PPFIA2: variants seen among roughly 807,000 people sequenced by gnomAD.
PPFIA2 encodes liprin-alpha-2.
Under a neutral mutation model 175.5 loss-of-function variants are expected in PPFIA2, and 46 were observed. That is an observed-to-expected ratio of 0.26 (90% CI 0.21 to 0.34). The LOEUF is 0.34. Ranked by LOEUF, PPFIA2 falls within the 10% of genes least tolerant of loss-of-function variation. The probability of loss-of-function intolerance (pLI) is 1.00; values close to 1 mark genes in which losing one functional copy is unlikely to be tolerated. For synonymous variants in PPFIA2, 568 were observed against 511.4 expected (o/e 1.11, Z -1.49); for missense variants, 1,179 against 1,506.1 (o/e 0.78, Z 3.60).
intron 24 of PPFIA2, chr12:81,292,743 G>T (rs941942084): frequency 6.6e-6 from 1 of 151,356 alleles, no homozygotes; most frequent in Non-Finnish European, 1.5e-5. Flanking sequence ...GACTGTGTGT[G>T]GGGGGTCAGC....
intron 7 of PPFIA2, among the ~76,000 whole-genome samples, chr12:81,413,543 T>A (rs929557888): frequency 6.6e-6 from 1 of 151,754 alleles, no homozygotes; most frequent in Non-Finnish European, 1.5e-5. Context: ...CATAAGCAAC[T>A]GTAAAGGAGG....
At chr12:81,299,467 C>A (rs767996822) in intron 22 of PPFIA2, 85 bp from the exon 23 acceptor site, 4 of 1,466,716 alleles carry the variant, frequency 2.7e-6, no homozygotes, top group Non-Finnish European at 3.6e-6. Flanking sequence ...TTAAAATAAC[C>A]AATCATCCTT....
rs2139175802 is a variant in PPFIA2, at chr12:81,312,493, A to C, written c.2643-13111T>G. 2 of 333,324 alleles carry C rather than the reference A, an allele frequency of 6.0e-6. 1 individual carries two copies. Among genetic ancestry groups the C allele is most frequent in the South Asian group, 2.1e-4 (2 of 9,474 alleles). 20.6% of individuals were successfully genotyped at this position (333,324 alleles called of 1,614,324 possible). A position where few individuals can be genotyped will look rare whatever the true frequency, so the allele number is the denominator to read the frequency against. Reference sequence around the variant, plus strand: ...GGAGGAAATCAAGAAATCTTGGTAAAGGACATTCTTTACCTCAGGCCACTT... The same window carrying C: ...GGAGGAAATCAAGAAATCTTGGTAACGGACATTCTTTACCTCAGGCCACTT... On this transcript the variant is annotated intron_variant, in intron 22 of 32. Coordinates refer to ENST00000549396, the MANE Select transcript of PPFIA2 (RefSeq NM_003625.5).
intron 7 of PPFIA2, among the ~76,000 whole-genome samples, chr12:81,433,992 A>G (rs1264849916): frequency 6.6e-6 from 1 of 152,158 alleles, no homozygotes; most frequent in Non-Finnish European, 1.5e-5. Context: ...ATGAGGAAAT[A>G]TGTTTTCAAT....
chr12:81,715,192 C>A (rs2078438733), intron 3 of PPFIA2, among the ~76,000 whole-genome samples: 1 of 147,240 alleles, frequency 6.8e-6, no homozygotes, highest in African/African-American at 2.4e-5. Context: ...AGAAATAACA[C>A]AATTTGTACA....
rs2051111329 is a variant in PPFIA2, at chr12:81,445,606, G to A, written c.520C>T (p.Leu174Phe). The change falls in exon 6 of 33, where the codon CTC becomes TTC. Residue 174 changes from leucine to phenylalanine, a missense_variant. Leu to Phe is a conservative substitution (Grantham distance 22, BLOSUM62 0). Transcript: ENST00000549396. Reference sequence around the variant, plus strand: ...TCAAACAAAGATTTCAGTGCCTTGAGAACTTCAACTTCACTGGATACTCCT... The same window carrying A: ...TCAAACAAAGATTTCAGTGCCTTGAAAACTTCAACTTCACTGGATACTCCT... The part of the protein sequence containing the change: ...PSGVSSEVEV[L>F]KALKSLFEHH... The A allele has an allele frequency of 1.9e-6, 3 of 1,613,760 alleles. No individual in the cohort carries two copies. The highest frequency in any genetic ancestry group is 2.5e-6 in the Non-Finnish European group (3 of 1,179,788).
chr12:81,621,078 G>T (rs920554095), intron 4 of PPFIA2, among the ~76,000 whole-genome samples: 3 of 152,146 alleles, frequency 2.0e-5, no homozygotes, highest in African/African-American at 7.2e-5. Flanking sequence ...AAATCAGGGA[G>T]AAAATCAGAG....
intron 4 of PPFIA2, among the ~76,000 whole-genome samples, chr12:81,647,862 AATATAAT>A (rs1022118403): frequency 1.1e-3 from 135 of 126,252 alleles, no homozygotes; most frequent in African/African-American, 3.8e-3. Flanking sequence ...TAACATATAT[AATATAAT>A]ATATATTATA....
chr12:81,728,610 T>C (rs2080413623), intron 3 of PPFIA2, among the ~76,000 whole-genome samples: 1 of 151,486 alleles, frequency 6.6e-6, no homozygotes, highest in African/African-American at 2.4e-5. Flanking sequence ...TAGATTTTCC[T>C]TGTATTTCCT....
At chr12:81,352,197 A>G (rs143664431) in intron 17 of PPFIA2, among the ~76,000 whole-genome samples, 1 of 152,104 alleles carries the variant, frequency 6.6e-6, no homozygotes, top group Non-Finnish European at 1.5e-5. Flanking sequence ...GAGGTCTTCC[A>G]TAAATCTTTC....
At chr12:81,304,056 C>T (rs894401029) in intron 22 of PPFIA2, among the ~76,000 whole-genome samples, 6 of 152,168 alleles carry the variant, frequency 3.9e-5, no homozygotes, top group Non-Finnish European at 8.8e-5. Flanking sequence ...GCCTCCCTGC[C>T]TTATCTCCCC....
At chr12:81,587,012 TA>T (rs1221328199) in intron 4 of PPFIA2, among the ~76,000 whole-genome samples, 18 of 152,090 alleles carry the variant, frequency 1.2e-4, no homozygotes, top group Middle Eastern at 3.4e-3. Flanking sequence ...ATGACCTAAA[TA>T]TTTTTTTTAT....
Position 81,713,111 on chromosome 12 carries a change from A to G in PPFIA2, c.250-36267T>C, listed in dbSNP as rs2078159570. Among the ~76,000 whole-genome samples the G allele has an allele frequency of 4.6e-5, 7 of 151,292 alleles. No homozygotes were observed. The South Asian group carries it at 1.2e-3, about 27-fold the overall frequency. On this transcript the variant is annotated intron_variant, in intron 3 of 32. Transcript: ENST00000549396. Reference sequence around the variant, plus strand: ...CATAGCCATGATTAATATTTTTGAAATGATTTTAATACTTTAGTACAAAAT... The same window carrying G: ...CATAGCCATGATTAATATTTTTGAAGTGATTTTAATACTTTAGTACAAAAT...
intron 4 of PPFIA2, among the ~76,000 whole-genome samples, chr12:81,557,382 A>C (rs2069088565): frequency 6.6e-6 from 1 of 151,936 alleles, no homozygotes; most frequent in Non-Finnish European, 1.5e-5. Context: ...TTTCTGATAG[A>C]GTAAAGACTC....
At chr12:81,678,125 T>G (rs1236336009) in intron 3 of PPFIA2, among the ~76,000 whole-genome samples, 1 of 151,848 alleles carries the variant, frequency 6.6e-6, no homozygotes. Flanking sequence ...CTTATGACTC[T>G]GATCACCTCT....
At chr12:81,642,704 A>G (rs12369362) in intron 4 of PPFIA2, among the ~76,000 whole-genome samples, 3,093 of 9,416 alleles carry the variant, frequency 0.33, 1,215 homozygotes, top group Non-Finnish European at 0.47. Flanking sequence ...ATACATGTAT[A>G]TGTATGTATG....
At chr12:81,503,437 G>GT (rs886597029) in intron 4 of PPFIA2, among the ~76,000 whole-genome samples, 13 of 151,856 alleles carry the variant, frequency 8.6e-5, no homozygotes, top group African/African-American at 2.9e-4. Context: ...AGACCAAGTG[G>GT]TTTAGCATGA....
Position 81,626,746 on chromosome 12 carries a change from C to T in PPFIA2, c.303+50045G>A, listed in dbSNP as rs892375705. Among the ~76,000 whole-genome samples, 6 of 151,938 alleles carry T rather than the reference C, an allele frequency of 3.9e-5. No homozygotes were observed. In the East Asian group the frequency reaches 5.8e-4, roughly 15 times the overall value. ...AACAAAAGTTAAAGTACATTTTGGACGATGTGTATTATTTTGGGGATTGTT... is the reference window on the plus strand; with the variant it reads ...AACAAAAGTTAAAGTACATTTTGGATGATGTGTATTATTTTGGGGATTGTT... On this transcript the variant is annotated intron_variant, in intron 4 of 32. Transcript: ENST00000549396.
At chr12:81,691,706 G>A (rs1391555378) in intron 3 of PPFIA2, among the ~76,000 whole-genome samples, 2 of 152,026 alleles carry the variant, frequency 1.3e-5, no homozygotes, top group Non-Finnish European at 2.9e-5. Flanking sequence ...ATTCAACAAG[G>A]ACCTATTAAT....
Sources: allele counts gnomAD v4.1 joint callset (sites outside exome capture counted in the v4.1 genomes callset), GRCh38; gene constraint gnomAD v4.1.1; transcripts MANE v1.5; gene names NCBI Gene and HGNC (gene_info 2026-07-23, HGNC 2026-07-21).